Variants in JMJD1C observed in about 807,000 individuals in gnomAD.
JMJD1C encodes the protein jumonji domain-containing protein 1C.
In JMJD1C, 31 loss-of-function variants were observed where a neutral mutation model predicts 245.3. The ratio of observed to expected loss-of-function variants is 0.13; its 90% CI spans 0.09 to 0.17. The LOEUF is 0.17. Among genes scored for constraint, JMJD1C ranks in the 10% least tolerant of loss-of-function variants. JMJD1C has a pLI of 1.00. For missense variants in JMJD1C, 2,691 were observed against 3,000.2 expected (o/e 0.90, Z 2.41); for synonymous variants, 1,057 against 1,017.4 (o/e 1.04, Z -0.74).
chr10:63,217,331 C>A lies in JMJD1C; in HGVS notation c.554G>T (p.Gly185Val). The A allele has an allele frequency of 6.4e-7, 1 of 1,559,910 alleles. No individual in the cohort carries two copies. The highest frequency in any genetic ancestry group is 8.6e-7 in the Non-Finnish European group (1 of 1,158,204). Residue 185 changes from glycine (G) to valine (V), a missense_variant and splice_region_variant, in exon 5 of 26, where the codon GGT becomes GTT. By Grantham distance (109) the Gly-to-Val change is moderately radical. This residue lies in a region of JMJD1C where 172 missense variants were observed against 240.8 expected (regional missense o/e 0.71). Transcript: ENST00000399262. Reference sequence around the variant, plus strand: ...TCTGTATCCATTTAAGGAATAAGGACCTTAAAAAAAACACAAGAAACAGAA... The same window carrying A: ...TCTGTATCCATTTAAGGAATAAGGAACTTAAAAAAAACACAAGAAACAGAA... ...EQKVQEIFMQ[G>V]PYSLNGYRVR...
At chr10:63,356,150 A>G (rs1944826166) in intron 2 of JMJD1C, among the ~76,000 whole-genome samples, 1 of 152,218 alleles carries the variant, frequency 6.6e-6, no homozygotes, top group East Asian at 1.9e-4. Context: ...AAGGGATTGT[A>G]AAAGATTTAA....
At chr10:63,192,832 A>C in intron 16 of JMJD1C, 106 bp downstream of exon 16, 1 of 854,988 alleles carries the variant, frequency 1.2e-6, no homozygotes, top group Admixed American at 2.3e-5. Context: ...AGACCAAAGT[A>C]AATTGTTTAC....
At chr10:63,509,716 TATC>T (rs1236711411) in intron 1 of JMJD1C, among the ~76,000 whole-genome samples, 1 of 152,218 alleles carries the variant, frequency 6.6e-6, no homozygotes, top group African/African-American at 2.4e-5. Flanking sequence ...AATATTCCTT[TATC>T]ATCTTTTTAA....
intron 1 of JMJD1C, among the ~76,000 whole-genome samples, chr10:63,429,624 G>A (rs777149335): frequency 3.7e-4 from 57 of 152,306 alleles, no homozygotes; most frequent in African/African-American, 1.4e-3. Context: ...GGAAAATGTT[G>A]TGAGCAAAGG....
intron 3 of JMJD1C, chr10:63,222,222 G>C (rs1374829279): frequency 2.6e-6 from 2 of 769,830 alleles, no homozygotes; most frequent in East Asian, 4.9e-5. Context: ...GGAATTTATA[G>C]GGGGGTTCAA....
chr10:63,228,864 G>A (rs1232392626), intron 3 of JMJD1C, among the ~76,000 whole-genome samples: 1 of 152,004 alleles, frequency 6.6e-6, no homozygotes, highest in Non-Finnish European at 1.5e-5. Context: ...GATTTATTCT[G>A]GACAATGCTT....
chr10:63,189,208 C>T lies in JMJD1C; in HGVS notation c.6530G>A (p.Ser2177Asn). The change falls in exon 18 of 26, where the codon AGT (serine) becomes AAT (asparagine). Residue 2177 changes from serine (S) to asparagine (N), a missense_variant. By Grantham distance (46) the Ser-to-Asn change is conservative (BLOSUM62 1). Around this residue, in one of 9 missense-constraint regions of JMJD1C, gnomAD observed 232 missense variants for 416.1 expected, o/e 0.56. Coordinates refer to ENST00000399262, the MANE Select transcript of JMJD1C (RefSeq NM_032776.3). ...ACATTCTTTGAAAAGCTTCCAATTA[C>T]TGCTATTCTTATAATCCTTAAGCCA... Reference protein sequence around the residue: ...ILWLKDYKNSSNWKLFKECWK... With the variant: ...ILWLKDYKNSNNWKLFKECWK... 1.2e-6 allele frequency: 2 copies of T among 1,612,200 alleles called. No individual in the cohort carries two copies. Among genetic ancestry groups the T allele is most frequent in the Non-Finnish European group, 1.7e-6 (2 of 1,179,308 alleles).
intron 1 of JMJD1C, among the ~76,000 whole-genome samples, chr10:63,426,915 C>G (rs775877604): frequency 5.9e-4 from 90 of 152,318 alleles, no homozygotes; most frequent in Non-Finnish European, 9.8e-4. Context: ...TAAAAATACA[C>G]TTTATCATCA....
intron 3 of JMJD1C, among the ~76,000 whole-genome samples, chr10:63,248,635 A>T (rs2133598702): frequency 6.6e-6 from 1 of 152,286 alleles, no homozygotes; most frequent in East Asian, 1.9e-4. Context: ...GTTGGTGGAA[A>T]TGTAAATTAG....
At chr10:63,348,529 G>A (rs1176043210) in intron 2 of JMJD1C, among the ~76,000 whole-genome samples, 1 of 152,174 alleles carries the variant, frequency 6.6e-6, no homozygotes, top group Non-Finnish European at 1.5e-5. Flanking sequence ...AAATCCATAT[G>A]CAGGTCGCCT....
chr10:63,427,135 C>G (rs2132800479), intron 1 of JMJD1C, among the ~76,000 whole-genome samples: 1 of 152,166 alleles, frequency 6.6e-6, no homozygotes, highest in African/African-American at 2.4e-5. Context: ...AGACAGCGGA[C>G]AACTCATGGC....
intron 1 of JMJD1C, among the ~76,000 whole-genome samples, chr10:63,411,749 C>T (rs1264109136): frequency 4.6e-5 from 7 of 151,666 alleles, no homozygotes; most frequent in African/African-American, 9.7e-5. Flanking sequence ...ACTACAGGTG[C>T]GTGCCACCAT....
At chr10:63,299,497 T>G (rs1859833310) in intron 2 of JMJD1C, among the ~76,000 whole-genome samples, 1 of 152,070 alleles carries the variant, frequency 6.6e-6, no homozygotes, top group South Asian at 2.1e-4. Context: ...TGGCCCAGAT[T>G]TCTTATTATA....
rs35643037 is a variant in JMJD1C, at chr10:63,411,601, ATT to A, written c.169-31121_169-31120del. On this transcript the variant is annotated intron_variant, in intron 1 of 25. Transcript: ENST00000399262. ...GGCGTGAGCCACCACACTCGGCCTG[ATT>A]TTTTTTTTTTTTTTTTTGAGGCGGA... 1.6e-4 allele frequency among the ~76,000 whole-genome samples: 19 copies of A among 120,028 alleles called. No individual in the cohort carries two copies. The South Asian group carries it at 1.9e-3, about 12-fold the overall frequency. 78.7% of individuals were successfully genotyped at this position (120,028 alleles called of 152,430 possible). A position where few individuals can be genotyped will look rare whatever the true frequency, so the allele number is the denominator to read the frequency against.
chr10:63,210,258 A>C (rs1847161466), intron 8 of JMJD1C, among the ~76,000 whole-genome samples: 1 of 152,176 alleles, frequency 6.6e-6, no homozygotes, highest in African/African-American at 2.4e-5. Context: ...GCTCTATAAA[A>C]TGCCATTCAA....
intron 3 of JMJD1C, among the ~76,000 whole-genome samples, chr10:63,221,019 G>A (rs1472746712): frequency 6.6e-6 from 1 of 151,384 alleles, no homozygotes; most frequent in Non-Finnish European, 1.5e-5. Context: ...GCTGAGGCAG[G>A]AGAATGGTGT....
chr10:63,405,763 C>T lies in JMJD1C; in HGVS notation c.169-25281G>A, dbSNP rs191377354. The stretch of plus-strand genomic sequence containing the variant: ...GACATTTCCTGTGAAAGTAGTAACT[C>T]TAGTAGTAAAAAGTAATATCAATAT... On this transcript the variant is annotated intron_variant, in intron 1 of 25. Transcript: ENST00000399262. 1.4e-3 allele frequency among the ~76,000 whole-genome samples: 220 copies of T among 152,228 alleles called. 1 individual carries two copies. Among genetic ancestry groups the T allele is most frequent in the Middle Eastern group, 3.4e-3 (1 of 294 alleles).
At chr10:63,305,353 C>T (rs1313741261) in intron 2 of JMJD1C, among the ~76,000 whole-genome samples, 2 of 126,392 alleles carry the variant, frequency 1.6e-5, no homozygotes, top group East Asian at 4.3e-4. Flanking sequence ...GGCGACGGAG[C>T]AAGACTCCAC....
intron 1 of JMJD1C, among the ~76,000 whole-genome samples, chr10:63,448,304 A>G (rs1039269432): frequency 1.3e-5 from 2 of 152,028 alleles, no homozygotes; most frequent in Non-Finnish European, 2.9e-5. Context: ...TTACAGATGC[A>G]TGCCACCATG....
Sources: allele counts gnomAD v4.1 joint callset (sites outside exome capture counted in the v4.1 genomes callset), GRCh38; gene constraint gnomAD v4.1.1; regional missense constraint gnomAD v4.1.1; transcripts MANE v1.5; gene names NCBI Gene and HGNC (gene_info 2026-07-23, HGNC 2026-07-21).